Variants in CREB5 observed in about 807,000 individuals in gnomAD.
The protein encoded by CREB5 is cyclic AMP-responsive element-binding protein 5.
CREB5 carries 19 observed loss-of-function variants against 57.1 expected under a neutral mutation model. That is an observed-to-expected ratio of 0.33 (90% CI 0.23 to 0.49). The LOEUF (loss-of-function observed/expected upper bound fraction) is 0.49, where lower values mean the gene tolerates loss of function less well. CREB5 is among the 20% of genes least tolerant of loss of function. CREB5 has a pLI of 0.99. For missense variants in CREB5, 579 were observed against 671.6 expected, an observed-to-expected ratio of 0.86 and a Z score of 1.52; for synonymous variants, 238 against 238.3, an observed-to-expected ratio of 1.00 and a Z score of 0.01.
In CREB5 at chr7:28,724,285, C is replaced by A. The variant is rs1245011461; in HGVS notation, c.655C>A (p.Pro219Thr). The change falls in exon 7 of 11, where the codon CCC becomes ACC. Residue 219 changes from proline to threonine, a missense_variant. This residue lies in a region of CREB5 where 459 missense variants were observed against 515.7 expected (regional missense o/e 0.89). Coordinates refer to ENST00000357727, the MANE Select transcript of CREB5 (RefSeq NM_182898.4). ...GATGCAAGGTCCAAATCTCAGCAAC[C>A]CCTGTGCTTCTCCCCAGGTCCAGCC... is the stretch of plus-strand genomic sequence containing the variant. ...MGMQGPNLSNPCASPQVQPMH... is the reference protein window; with the variant it reads ...MGMQGPNLSNTCASPQVQPMH... The A allele has an allele frequency of 6.2e-7, 1 of 1,613,708 alleles. No homozygotes were observed. The highest frequency in any genetic ancestry group is 1.3e-5 in the African/African-American group (1 of 74,900).
At chr7:28,325,748 C>T (rs905692367) in intron 1 of CREB5, among the ~76,000 whole-genome samples, 1 of 152,224 alleles carries the variant, frequency 6.6e-6, no homozygotes, top group Non-Finnish European at 1.5e-5. Context: ...TGATCAGCTT[C>T]TTCTTCTCAC....
chr7:28,570,420 A>G lies in CREB5; in HGVS notation c.347A>G (p.Gln116Arg). The part of the protein sequence containing the change: ...GGAMTGPGTH[Q>R]LSSARLPNHD... ...GCCATGACGGGGCCCGGAACTCACCAGCTTAGCAGCGCTCGGCTGCCCAAC... is the reference window on the plus strand; with the variant it reads ...GCCATGACGGGGCCCGGAACTCACCGGCTTAGCAGCGCTCGGCTGCCCAAC... The change falls in exon 5 of 11, where the codon CAG becomes CGG. Residue 116 changes from glutamine (Q) to arginine (R), a missense_variant. By Grantham distance (43) the Gln-to-Arg change is conservative. Transcript: ENST00000357727. 6.2e-7 allele frequency: 1 copy of G among 1,614,142 alleles called. No homozygotes were observed. The highest frequency in any genetic ancestry group is 8.5e-7 in the Non-Finnish European group (1 of 1,180,014).
intron 5 of CREB5, among the ~76,000 whole-genome samples, chr7:28,696,854 G>A (rs1350877577): frequency 2.0e-5 from 3 of 150,668 alleles, no homozygotes; most frequent in African/African-American, 4.9e-5. Flanking sequence ...ATACACATAC[G>A]TATATGTGTG....
intron 1 of CREB5, among the ~76,000 whole-genome samples, chr7:28,482,968 C>G (rs539615475): frequency 6.6e-6 from 1 of 152,194 alleles, no homozygotes; most frequent in African/African-American, 2.4e-5. Context: ...GAAACTTGTG[C>G]CATCCCACTA....
intron 1 of CREB5, among the ~76,000 whole-genome samples, chr7:28,457,545 A>G (rs1045197337): frequency 2.6e-5 from 4 of 152,228 alleles, no homozygotes; most frequent in Non-Finnish European, 5.9e-5. Context: ...CTAGATGAGA[A>G]GCAAATAAAA....
At chr7:28,690,877 CAG>C (rs918213844) in intron 5 of CREB5, among the ~76,000 whole-genome samples, 3 of 152,052 alleles carry the variant, frequency 2.0e-5, no homozygotes, top group African/African-American at 7.2e-5. Flanking sequence ...GGAAATCAAG[CAG>C]GTTTGAGATC....
At chr7:28,424,384 T>A (rs939133889) in intron 1 of CREB5, among the ~76,000 whole-genome samples, 2 of 152,172 alleles carry the variant, frequency 1.3e-5, no homozygotes, top group Non-Finnish European at 2.9e-5. Context: ...GGGAGTGATA[T>A]GTTTTCTAAT....
At chr7:28,789,399 G>A (rs186081360) in intron 7 of CREB5, among the ~76,000 whole-genome samples, 16 of 152,198 alleles carry the variant, frequency 1.1e-4, no homozygotes, top group African/African-American at 4.8e-5. Context: ...GTGCTGCACC[G>A]TATCTTTCAG....
intron 7 of CREB5, among the ~76,000 whole-genome samples, chr7:28,750,410 A>G (rs987013861): frequency 2.0e-5 from 3 of 152,212 alleles, no homozygotes; most frequent in African/African-American, 7.2e-5. Context: ...TTTATATGAA[A>G]TGGCATATAG....
chr7:28,326,829 G>A (rs553078650), intron 1 of CREB5, among the ~76,000 whole-genome samples: 5 of 152,280 alleles, frequency 3.3e-5, no homozygotes, highest in African/African-American at 7.2e-5. Context: ...CTAGGTAGAC[G>A]TAGGTGGATA....
intron 1 of CREB5, among the ~76,000 whole-genome samples, chr7:28,383,831 G>A (rs1176431133): frequency 1.3e-5 from 2 of 152,224 alleles, no homozygotes; most frequent in East Asian, 3.9e-4. Context: ...AGAAGATGGG[G>A]AAGGAAGTTA....
At chr7:28,357,438 G>A (rs73086424) in intron 1 of CREB5, among the ~76,000 whole-genome samples, 4,099 of 152,134 alleles carry the variant, frequency 0.027, 84 homozygotes, top group Middle Eastern at 0.082. Flanking sequence ...TAGTAAATTT[G>A]GTATTTAAGT....
At chr7:28,441,858 A>T (rs2128561015) in intron 1 of CREB5, among the ~76,000 whole-genome samples, 2 of 152,354 alleles carry the variant, frequency 1.3e-5, no homozygotes, top group South Asian at 4.1e-4. Flanking sequence ...TACAGGATAC[A>T]GAGTGATATT....
chr7:28,453,842 A>G lies in CREB5; in HGVS notation c.4-34333A>G, dbSNP rs530286341. On this transcript the variant is annotated intron_variant, in intron 1 of 10. Coordinates refer to ENST00000357727, the MANE Select transcript of CREB5 (RefSeq NM_182898.4). ...ATGAAACAAAATAAAATCTTTGTAA[A>G]TGAAAATGCTGCCCTCTTTACTTTG... Among the ~76,000 whole-genome samples the G allele has an allele frequency of 2.8e-4, 43 of 152,374 alleles. 2 individuals are homozygous for G. The highest frequency in any genetic ancestry group is 9.4e-4 in the African/African-American group (39 of 41,584).
intron 1 of CREB5, among the ~76,000 whole-genome samples, chr7:28,387,817 A>G (rs1787142209): frequency 6.6e-6 from 1 of 152,214 alleles, no homozygotes; most frequent in East Asian, 1.9e-4. Flanking sequence ...TTTTCAAAAA[A>G]GAGAAAAAGA....
intron 1 of CREB5, among the ~76,000 whole-genome samples, chr7:28,443,242 T>C (rs887764717): frequency 1.3e-5 from 2 of 152,216 alleles, no homozygotes; most frequent in African/African-American, 2.4e-5. Flanking sequence ...GAGAGTGATG[T>C]GGAGTGACCC....
intron 5 of CREB5, among the ~76,000 whole-genome samples, chr7:28,669,832 G>A (rs1436209642): frequency 7.9e-5 from 12 of 152,222 alleles, no homozygotes; most frequent in Middle Eastern, 3.4e-3. Flanking sequence ...GATCTGCGTC[G>A]TCCTGTGCCC....
At chr7:28,689,950 T>TGTGTTGG (rs1362852225) in intron 5 of CREB5, among the ~76,000 whole-genome samples, 5 of 120,000 alleles carry the variant, frequency 4.2e-5, no homozygotes, top group African/African-American at 1.9e-4. Flanking sequence ...GTGTGTGTTG[T>TGTGTTGG]TTTTGTCAAT....
chr7:28,690,683 G>T (rs1583555325), intron 5 of CREB5, among the ~76,000 whole-genome samples: 1 of 152,114 alleles, frequency 6.6e-6, no homozygotes, highest in East Asian at 1.9e-4. Flanking sequence ...GGCACATAGT[G>T]GGATGGTGGG....
Sources: allele counts gnomAD v4.1 joint callset (sites outside exome capture counted in the v4.1 genomes callset), GRCh38; gene constraint gnomAD v4.1.1; regional missense constraint gnomAD v4.1.1; transcripts MANE v1.5; gene names NCBI Gene and HGNC (gene_info 2026-07-23, HGNC 2026-07-21).